The following TMEM181 variants were observed in gnomAD, a reference collection of about 807,000 sequenced individuals.
TMEM181 encodes the protein G protein-coupled receptor 178.
In TMEM181, 39 loss-of-function variants were observed where a neutral mutation model predicts 71.9. That is an observed-to-expected ratio of 0.54 (90% confidence interval 0.42 to 0.71). The LOEUF (loss-of-function observed/expected upper bound fraction) is 0.71, where lower values mean the gene tolerates loss of function less well. Among genes scored for constraint, TMEM181 ranks in the 30% least tolerant of loss-of-function variants. The probability of loss-of-function intolerance (pLI) is 0.00; values close to 1 mark genes in which losing one functional copy is unlikely to be tolerated. For missense variants in TMEM181, 595 were observed against 583.0 expected, an observed-to-expected ratio of 1.02 and a Z score of -0.21; for synonymous variants, 245 against 228.8, an observed-to-expected ratio of 1.07 and a Z score of -0.64.
intron 2 of TMEM181, among the ~76,000 whole-genome samples, chr6:158,578,064 T>A (rs1444182893): frequency 6.6e-6 from 1 of 152,058 alleles, no homozygotes; most frequent in Non-Finnish European, 1.5e-5. Flanking sequence ...CACTCCAGCC[T>A]GGGCAACAAG....
intron 1 of TMEM181, among the ~76,000 whole-genome samples, chr6:158,566,477 GGTGAGCTCCTGAGGGAGGTGAT>G: frequency 9.2e-6 from 1 of 108,776 alleles, no homozygotes; most frequent in Non-Finnish European, 2.1e-5. Context: ...GGGAGGTGAT[GGTGAGCTCCTGAGGGAGGTGAT>G]GGGGTGAAGG....
In TMEM181 at chr6:158,569,089, C is replaced by A. The variant is rs139470555; in HGVS notation, c.9-4331C>A. On this transcript the variant is annotated intron_variant, in intron 1 of 16. Transcript: ENST00000684151. ...TTTCTGAGCTCAAACGATCCTCCCCCCTCAGCCTCCAGAGCTGCTGGGACT... is the reference window on the plus strand; with the variant it reads ...TTTCTGAGCTCAAACGATCCTCCCCACTCAGCCTCCAGAGCTGCTGGGACT... Among the ~76,000 whole-genome samples, 17 of 152,230 alleles carry A rather than the reference C, an allele frequency of 1.1e-4. 1 individual carries two copies. The highest frequency in any genetic ancestry group is 3.4e-4 in the African/African-American group (14 of 41,454).
rs572905337 is a variant in TMEM181 at position 158,576,545 on chromosome 6, T to C, written c.112+3022T>C. On this transcript the variant is annotated intron_variant, in intron 2 of 16. Transcript: ENST00000684151. ...CATAGAAGACCAGGACATTCAAAAC[T>C]GCTAATACAGGGAAATTTAGAAAGT... Among the ~76,000 whole-genome samples, 10 of 152,166 alleles carry C rather than the reference T, an allele frequency of 6.6e-5. No individual in the cohort carries two copies. The South Asian group carries it at 2.1e-3, about 32-fold the overall frequency.
chr6:158,593,818 T>G (rs1784242010), intron 6 of TMEM181, among the ~76,000 whole-genome samples: 1 of 152,104 alleles, frequency 6.6e-6, no homozygotes, highest in Non-Finnish European at 1.5e-5. Context: ...TCCTAAATGC[T>G]CTCTCCGCCC....
At chr6:158,548,625 T>C (rs905861435) in intron 1 of TMEM181, among the ~76,000 whole-genome samples, 4 of 152,154 alleles carry the variant, frequency 2.6e-5, no homozygotes, top group Non-Finnish European at 5.9e-5. Flanking sequence ...CAAGGGATGG[T>C]GTCCTCATTC....
intron 10 of TMEM181, chr6:158,610,928 G>A (rs376144578): frequency 3.4e-5 from 14 of 415,624 alleles, no homozygotes; most frequent in African/African-American, 2.5e-4. Context: ...GTTTCAGTGG[G>A]ACGGGTTCCT....
At chr6:158,593,288 C>T (rs1455700119) in intron 6 of TMEM181, among the ~76,000 whole-genome samples, 1 of 152,070 alleles carries the variant, frequency 6.6e-6, no homozygotes, top group Non-Finnish European at 1.5e-5. Flanking sequence ...TGATTTAAGA[C>T]AAGAAAAGCA....
chr6:158,567,913 T>C (rs1218819637), intron 1 of TMEM181, among the ~76,000 whole-genome samples: 1 of 151,984 alleles, frequency 6.6e-6, no homozygotes, highest in African/African-American at 2.4e-5. Context: ...TCGGGGACTT[T>C]GAAAGGCCTG....
intron 12 of TMEM181, among the ~76,000 whole-genome samples, 177 bp from the exon 13 acceptor site, chr6:158,625,526 C>A (rs1215390364): frequency 6.6e-6 from 1 of 152,184 alleles, no homozygotes; most frequent in African/African-American, 2.4e-5. Context: ...TCCCTGGACA[C>A]CATCCTGGCC....
rs1786718485 is a variant in TMEM181, at chr6:158,632,502, AC to A, written c.*616del. On this transcript the variant is annotated 3_prime_UTR_variant, in exon 17 of 17. Coordinates refer to ENST00000684151, the MANE Select transcript of TMEM181 (RefSeq NM_001376852.1). ...TGCTGGGGTTCCAACCCTTCACGTC[AC>A]CAAAGGGGAAGTAATAGTGTGGAGT... is the stretch of plus-strand genomic sequence containing the variant. The A allele has an allele frequency of 6.5e-6, 1 of 152,890 alleles. No individual in the cohort carries two copies. Among genetic ancestry groups the A allele is most frequent in the East Asian group, 1.9e-4 (1 of 5,208 alleles). The allele number at this position is 152,890 out of a possible 1,614,324, so 9.5% of individuals were successfully genotyped here. A position where few individuals can be genotyped will look rare whatever the true frequency, so the allele number is the denominator to read the frequency against.
chr6:158,601,766 A>C (rs960354956), intron 6 of TMEM181, among the ~76,000 whole-genome samples: 5 of 152,078 alleles, frequency 3.3e-5, no homozygotes, highest in South Asian at 2.1e-4. Context: ...CAGAAAAAAA[A>C]AAAAAAAAAC....
intron 15 of TMEM181, among the ~76,000 whole-genome samples, chr6:158,630,141 T>C (rs368007491): frequency 6.6e-6 from 1 of 152,224 alleles, no homozygotes. Context: ...AATCACACTT[T>C]GAATACCCAA....
Position 158,630,011 on chromosome 6 carries a change from G to A in TMEM181, c.1282+192G>A, listed in dbSNP as rs1169877576. The stretch of plus-strand genomic sequence containing the variant: ...GGGGCCCAGCATATGTAGAACCTGC[G>A]TTGTGTCATTCCCACAGAGTTGACA... On this transcript the variant is annotated intron_variant, in intron 15 of 16. Transcript: ENST00000684151. Among the ~76,000 whole-genome samples, 3 of 152,180 alleles carry A rather than the reference G, an allele frequency of 2.0e-5. No individual in the cohort carries two copies. The East Asian group carries it at 5.8e-4, about 29-fold the overall frequency.
intron 6 of TMEM181, among the ~76,000 whole-genome samples, chr6:158,595,747 G>T (rs1426419911): frequency 6.6e-6 from 1 of 152,082 alleles, no homozygotes; most frequent in African/African-American, 2.4e-5. Context: ...CTGTGCTGTT[G>T]AATCAGGGTT....
At chr6:158,590,867 C>T (rs189684626) in intron 6 of TMEM181, among the ~76,000 whole-genome samples, 26 of 152,324 alleles carry the variant, frequency 1.7e-4, no homozygotes, top group Non-Finnish European at 3.2e-4. Flanking sequence ...CCCATTCCCT[C>T]CCCCACAGTC....
chr6:158,564,659 G>A (rs565266330), intron 1 of TMEM181, among the ~76,000 whole-genome samples: 1 of 152,246 alleles, frequency 6.6e-6, no homozygotes, highest in Admixed American at 6.5e-5. Flanking sequence ...ACCCGCACCT[G>A]CCAGCAACTC....
At chr6:158,571,242 A>T (rs557998892) in intron 1 of TMEM181, among the ~76,000 whole-genome samples, 19 of 152,170 alleles carry the variant, frequency 1.2e-4, no homozygotes, top group Non-Finnish European at 2.6e-4. Flanking sequence ...GACTGCAGGC[A>T]CCCGCCACCG....
At chr6:158,573,620 C>T in intron 2 of TMEM181, 97 bp downstream of exon 2, 1 of 1,011,992 alleles carries the variant, frequency 9.9e-7, no homozygotes, top group Non-Finnish European at 1.5e-6. Context: ...TCTTCCACTG[C>T]TAAGGGCCCC....
upstream of TMEM181, among the ~76,000 whole-genome samples, chr6:158,558,342 ATTAGTTTCCAACATT>A (rs1288215714): frequency 6.6e-6 from 1 of 152,220 alleles, no homozygotes; most frequent in Non-Finnish European, 1.5e-5. Context: ...ATTTTTTCGA[ATTAGTTTCCAACATT>A]TTAGAATCAG....
Sources: gnomAD v4.1 joint callset for allele counts (sites outside exome capture counted in the v4.1 genomes callset) on GRCh38, gnomAD v4.1.1 for gene constraint, MANE v1.5 for transcripts, NCBI Gene and HGNC (gene_info 2026-07-23, HGNC 2026-07-21) for gene names.